CD38: variants seen among roughly 807,000 people sequenced by gnomAD.
CD38 encodes the protein CD38 molecule.
CD38 carries 31 observed loss-of-function variants against 36.3 expected under a neutral mutation model. The ratio of observed to expected loss-of-function variants is 0.85; its 90% CI spans 0.64 to 1.15. The LOEUF (loss-of-function observed/expected upper bound fraction) is 1.15. Among genes scored for constraint, CD38 ranks in the 50% most tolerant of loss-of-function variants. The pLI is 0.00. For missense variants in CD38, 380 were observed against 371.9 expected, an observed-to-expected ratio of 1.02 and a Z score of -0.18; for synonymous variants, 131 against 135.2, an observed-to-expected ratio of 0.97 and a Z score of 0.22.
intron 1 of CD38, among the ~76,000 whole-genome samples, chr4:15,785,894 G>C (rs1423940891): frequency 6.6e-6 from 1 of 152,202 alleles, no homozygotes; most frequent in Non-Finnish European, 1.5e-5. Context: ...TGTTGGACAT[G>C]TTCGGAGTTT....
rs1448389802 is a variant in CD38 at position 15,778,826 on chromosome 4, G to A, written c.233+179G>A. Among the ~76,000 whole-genome samples, 1 of 151,864 alleles carries A rather than the reference G, an allele frequency of 6.6e-6. No individual in the cohort carries two copies. The highest frequency in any genetic ancestry group is 1.5e-5 in the Non-Finnish European group (1 of 67,948). The stretch of plus-strand genomic sequence containing the variant: ...GGGGCTCCGCGGGCCGCTTTCAGGA[G>A]CAGCTGGCCTTGGCACCGAGCGTGC... On this transcript the variant is annotated intron_variant, in intron 1 of 7. Coordinates refer to ENST00000226279, the MANE Select transcript of CD38 (RefSeq NM_001775.4). This position sits in a 1 kb window ranked among gnomAD's most constrained non-coding sequence, Gnocchi z 4.9.
chr4:15,827,439 T>G (rs1723872415), intron 3 of CD38, among the ~76,000 whole-genome samples: 1 of 152,200 alleles, frequency 6.6e-6, no homozygotes, highest in Non-Finnish European at 1.5e-5. Flanking sequence ...CACCTACTAT[T>G]TTTACTTTCA....
chr4:15,819,287 C>G (rs1723681737), intron 2 of CD38, among the ~76,000 whole-genome samples: 2 of 150,412 alleles, frequency 1.3e-5, no homozygotes, highest in Admixed American at 1.3e-4. Context: ...ACCTATGTAA[C>G]AAAACTGCAC....
intron 1 of CD38, among the ~76,000 whole-genome samples, chr4:15,814,550 C>T (rs552389021): frequency 1.9e-4 from 29 of 152,132 alleles, no homozygotes; most frequent in Admixed American, 3.3e-4. Context: ...CCTAGATTTT[C>T]GTCTAGGGTT....
At chr4:15,835,577 C>T (rs752264764) in intron 4 of CD38, among the ~76,000 whole-genome samples, 3 of 151,086 alleles carry the variant, frequency 2.0e-5, no homozygotes, top group Non-Finnish European at 4.4e-5. Context: ...GGAGTTTCAC[C>T]ATGTTGGCCA....
At chr4:15,786,285 A>G (rs1722827523) in intron 1 of CD38, among the ~76,000 whole-genome samples, 2 of 152,128 alleles carry the variant, frequency 1.3e-5, no homozygotes, top group Admixed American at 1.3e-4. Context: ...TGATTGGTTC[A>G]TTTTACAGAG....
chr4:15,834,711 C>A (rs1724029960), intron 4 of CD38, among the ~76,000 whole-genome samples: 2 of 152,138 alleles, frequency 1.3e-5, no homozygotes, highest in African/African-American at 2.4e-5. Context: ...TTCACCAGAA[C>A]CCTGTGAAGC....
chr4:15,849,217 A>G lies in CD38; in HGVS notation c.*615A>G, dbSNP rs532818990. The G allele has an allele frequency of 2.0e-5, 3 of 152,306 alleles. No individual in the cohort carries two copies. The highest frequency in any genetic ancestry group is 7.2e-5 in the African/African-American group (3 of 41,564). The allele number at this position is 152,306 out of a possible 1,614,324, so 9.4% of individuals were successfully genotyped here. A position where few individuals can be genotyped will look rare whatever the true frequency, so the allele number is the denominator to read the frequency against. ...GAGAAAATGGGAGCTCAGAGAGGTT[A>G]TATATTTAAGTTGGTGCAAAAGTAA... On this transcript the variant is annotated 3_prime_UTR_variant, in exon 8 of 8. Coordinates refer to ENST00000226279, the MANE Select transcript of CD38 (RefSeq NM_001775.4).
chr4:15,795,677 A>G (rs1723091088), intron 1 of CD38, among the ~76,000 whole-genome samples: 1 of 152,168 alleles, frequency 6.6e-6, no homozygotes, highest in Non-Finnish European at 1.5e-5. Flanking sequence ...CAGCATAAGT[A>G]GTCTTACAGT....
intron 1 of CD38, among the ~76,000 whole-genome samples, chr4:15,806,238 T>C (rs988335155): frequency 1.3e-5 from 2 of 152,208 alleles, no homozygotes; most frequent in Admixed American, 1.3e-4. Flanking sequence ...GGAATAACTG[T>C]GCCCTATTCT....
chr4:15,785,871 T>C (rs1722808079), intron 1 of CD38, among the ~76,000 whole-genome samples: 1 of 152,146 alleles, frequency 6.6e-6, no homozygotes, highest in Admixed American at 6.5e-5. Context: ...TGTCCAGAGT[T>C]TGTTCCTTCT....
chr4:15,809,101 T>G (rs1244289914), intron 1 of CD38, among the ~76,000 whole-genome samples: 1 of 152,188 alleles, frequency 6.6e-6, no homozygotes, highest in African/African-American at 2.4e-5. Context: ...ATGAGATGCC[T>G]GTAAAACACT....
At chr4:15,787,906 C>T (rs573010359) in intron 1 of CD38, among the ~76,000 whole-genome samples, 2 of 152,244 alleles carry the variant, frequency 1.3e-5, no homozygotes, top group South Asian at 4.1e-4. Flanking sequence ...AGCAGTCTCG[C>T]CAGAGGATGA....
In CD38 at chr4:15,825,133, G is replaced by C. The variant is rs1723821005; in HGVS notation, c.499+117G>C. On this transcript the variant is annotated intron_variant, in intron 3 of 7. Transcript: ENST00000226279. ...CAGAGCCACAGGCACCCATCCTGAT[G>C]CCATCTATACTTATATTAGTCCATT... 1.7e-5 allele frequency: 16 copies of C among 939,434 alleles called. No individual in the cohort carries two copies. In the South Asian group the frequency reaches 2.6e-4, roughly 15 times the overall value. 58.2% of individuals were successfully genotyped at this position (939,434 alleles called of 1,614,324 possible).
intron 1 of CD38, among the ~76,000 whole-genome samples, chr4:15,788,894 AAG>A (rs1363011856): frequency 6.6e-6 from 1 of 152,226 alleles, no homozygotes; most frequent in Non-Finnish European, 1.5e-5. Context: ...GGGCAATAAA[AAG>A]CTATAAACGT....
chr4:15,787,868 A>G (rs1722876266), intron 1 of CD38, among the ~76,000 whole-genome samples: 1 of 152,196 alleles, frequency 6.6e-6, no homozygotes, highest in African/African-American at 2.4e-5. Flanking sequence ...TCTGTGGGTA[A>G]TTAACATTGT....
At position 15,824,897 on chromosome 4, in the gene CD38, G is replaced by A; in HGVS notation, c.380G>A (p.Arg127Lys). 6.2e-7 allele frequency: 1 copy of A among 1,613,474 alleles called. No homozygotes were observed. Among genetic ancestry groups the A allele is most frequent in the Non-Finnish European group, 8.5e-7 (1 of 1,179,614 alleles). Reference protein sequence around the residue: ...VPCNKILLWSRIKDLAHQFTQ... With the variant: ...VPCNKILLWSKIKDLAHQFTQ... ...CTTCCTTAGATTCTTCTTTGGAGCAGAATAAAAGATCTGGCCCATCAGTTC... is the reference window on the plus strand; with the variant it reads ...CTTCCTTAGATTCTTCTTTGGAGCAAAATAAAAGATCTGGCCCATCAGTTC... The change falls in exon 3 of 8, where the codon AGA becomes AAA. Residue 127 changes from arginine (R) to lysine (K), a missense_variant. By Grantham distance (26) the Arg-to-Lys change is conservative. Coordinates refer to ENST00000226279, the MANE Select transcript of CD38 (RefSeq NM_001775.4).
intron 1 of CD38, among the ~76,000 whole-genome samples, chr4:15,793,722 A>C (rs960611929): frequency 1.3e-5 from 2 of 152,352 alleles, no homozygotes; most frequent in Admixed American, 6.5e-5. Flanking sequence ...TTAGTGATTC[A>C]GATAAGATTT....
rs1273890764 is a variant in CD38, at chr4:15,792,659, A to C, written c.233+14012A>C. 2.6e-5 allele frequency among the ~76,000 whole-genome samples: 4 copies of C among 152,280 alleles called. No individual in the cohort carries two copies. The East Asian group carries it at 7.7e-4, about 29-fold the overall frequency. ...CCCATTAAAAAAAAAGTGTACTTTAAAGCGAATTCCAGAGTTTGTATAATT... is the reference window on the plus strand; with the variant it reads ...CCCATTAAAAAAAAAGTGTACTTTACAGCGAATTCCAGAGTTTGTATAATT... On this transcript the variant is annotated intron_variant, in intron 1 of 7. Coordinates refer to ENST00000226279, the MANE Select transcript of CD38 (RefSeq NM_001775.4).
Sources: gnomAD v4.1 joint callset for allele counts (sites outside exome capture counted in the v4.1 genomes callset) on GRCh38, gnomAD v4.1.1 for gene constraint, Gnocchi (gnomAD v3.1) non-coding constraint, MANE v1.5 for transcripts, NCBI Gene and HGNC (gene_info 2026-07-23, HGNC 2026-07-21) for gene names.